PPM1G: variants seen among roughly 807,000 people sequenced by gnomAD.
PPM1G encodes protein phosphatase 1G.
PPM1G carries 12 observed loss-of-function variants against 59.4 expected under a neutral mutation model. The ratio of observed to expected loss-of-function variants is 0.20; its 90% confidence interval spans 0.13 to 0.33. The LOEUF (loss-of-function observed/expected upper bound fraction) is 0.33. Ranked by LOEUF, PPM1G falls within the 10% of genes least tolerant of loss-of-function variation. PPM1G has a pLI of 1.00. For synonymous variants in PPM1G, 245 were observed against 251.9 expected, an observed-to-expected ratio of 0.97 and a Z score of 0.26; for missense variants, 392 against 681.3, an observed-to-expected ratio of 0.58 and a Z score of 4.73.
At chr2:27,386,994 C>A in intron 2 of PPM1G, 95 bp downstream of exon 2, 3 of 959,946 alleles carry the variant, frequency 3.1e-6, no homozygotes, top group Admixed American at 1.9e-5. Flanking sequence ...GAGGGCCAGA[C>A]CCTGGAAAGT....
chr2:27,393,377 T>G, intron 1 of PPM1G: 1 of 1,539,418 alleles, frequency 6.5e-7, no homozygotes. Context: ...TGCCGGCGAC[T>G]AAGGAGAGGC....
chr2:27,399,235 T>C (rs969751650), intron 1 of PPM1G, among the ~76,000 whole-genome samples: 1 of 152,130 alleles, frequency 6.6e-6, no homozygotes, highest in Non-Finnish European at 1.5e-5. Context: ...GCAAATCATA[T>C]ATCTAACAAA....
Position 27,381,669 on chromosome 2 carries a change from T to G in PPM1G, c.1571A>C (p.Glu524Ala), listed in dbSNP as rs753576114. Residue 524 changes from glutamate to alanine, a missense_variant, in exon 10 of 10, where the codon GAG (glutamate) becomes GCG (alanine). Transcript: ENST00000344034. ...TTCAGCCCCCTCAGTAGAGAGCACC[T>G]CCTCTAGTTTTCGCTTGCCACTCTC... Reference protein sequence around the residue: ...QPESGKRKLEEVLSTEGAEEN... With the variant: ...QPESGKRKLEAVLSTEGAEEN... The G allele has an allele frequency of 1.9e-6, 3 of 1,613,884 alleles. No individual in the cohort carries two copies. The highest frequency in any genetic ancestry group is 1.3e-5 in the African/African-American group (1 of 74,852).
chr2:27,388,282 G>A (rs1403174641), intron 1 of PPM1G, among the ~76,000 whole-genome samples: 1 of 151,306 alleles, frequency 6.6e-6, no homozygotes, highest in Non-Finnish European at 1.5e-5. Context: ...GGTGGTGTGC[G>A]CCCGTAGTCC....
chr2:27,405,474 A>T (rs1014146452), intron 1 of PPM1G, among the ~76,000 whole-genome samples: 1 of 151,702 alleles, frequency 6.6e-6, no homozygotes, highest in Non-Finnish European at 1.5e-5. Flanking sequence ...TGTTTTTTTG[A>T]GACGGAGTCT....
rs70953857 is a variant in PPM1G, at chr2:27,392,286, G to GTTTTTTT, written c.121-5135_121-5129dup. ...TTACTTTGTTTTGTTGGTTTGTTTT[G>GTTTTTTT]TTTTTTTTTTTTTTTTTTTTTTTTG... On this transcript the variant is annotated intron_variant, in intron 1 of 9. Transcript: ENST00000344034. Among the ~76,000 whole-genome samples the GTTTTTTT allele has an allele frequency of 4.9e-3, 341 of 70,268 alleles. 22 individuals are homozygous for GTTTTTTT. Among genetic ancestry groups the GTTTTTTT allele is most frequent in the African/African-American group, 0.019 (308 of 16,130 alleles). The allele number at this position is 70,268 out of a possible 152,430, so 46.1% of individuals were successfully genotyped here.
At chr2:27,386,160 A>G (rs917116580) in intron 3 of PPM1G, 34 bp downstream of exon 3, 1 of 1,565,518 alleles carries the variant, frequency 6.4e-7, no homozygotes, top group Non-Finnish European at 8.8e-7. Flanking sequence ...AAAAGCCTAC[A>G]CAAGTGAGGA....
chr2:27,392,272 TGTTGGTTTG>T (rs1683922732), intron 1 of PPM1G, among the ~76,000 whole-genome samples: 1 of 143,488 alleles, frequency 7.0e-6, no homozygotes, highest in African/African-American at 2.6e-5. Flanking sequence ...TACTTTGTTT[TGTTGGTTTG>T]TTTTGTTTTT....
At chr2:27,394,093 C>T (rs1057252108) in intron 1 of PPM1G, among the ~76,000 whole-genome samples, 2 of 151,762 alleles carry the variant, frequency 1.3e-5, no homozygotes, top group Non-Finnish European at 1.5e-5. Flanking sequence ...GATGGGGTTT[C>T]ACCATATTGG....
In PPM1G at chr2:27,384,585, A is replaced by G. The variant is rs1572660146; in HGVS notation, c.825+88T>C. The stretch of plus-strand genomic sequence containing the variant: ...TCTTGGGGGATGATGTCAAAATAGG[A>G]GAAGGAAAGAGAGTTGAAAACTACA... On this transcript the variant is annotated intron_variant, in intron 5 of 9. Coordinates refer to ENST00000344034, the MANE Select transcript of PPM1G (RefSeq NM_177983.3). This position sits in a 1 kb window ranked among gnomAD's most constrained non-coding sequence, Gnocchi z 4.8. The G allele has an allele frequency of 7.0e-7, 1 of 1,438,168 alleles. No individual in the cohort carries two copies. Among genetic ancestry groups the G allele is most frequent in the East Asian group, 2.3e-5 (1 of 43,684 alleles). 89.1% of individuals were successfully genotyped at this position (1,438,168 alleles called of 1,614,324 possible). A position where few individuals can be genotyped will look rare whatever the true frequency, so the allele number is the denominator to read the frequency against.
chr2:27,383,680 G>T lies in PPM1G; in HGVS notation c.967-80C>A, dbSNP rs1434142940. 1 of 1,390,726 alleles carries T rather than the reference G, an allele frequency of 7.2e-7. No homozygotes were observed. The highest frequency in any genetic ancestry group is 9.8e-7 in the Non-Finnish European group (1 of 1,020,232). The allele number at this position is 1,390,726 out of a possible 1,614,324, so 86.1% of individuals were successfully genotyped here. On this transcript the variant is annotated intron_variant, in intron 6 of 9. Coordinates refer to ENST00000344034, the MANE Select transcript of PPM1G (RefSeq NM_177983.3). The surrounding 1 kb of genome is among the most constrained non-coding windows in gnomAD (Gnocchi z 5.0). ...GATGTGCTCCTGATCGTTCACCTATGCTTGCTTTCACTGGGACCCCCAAAA... is the reference window on the plus strand; with the variant it reads ...GATGTGCTCCTGATCGTTCACCTATTCTTGCTTTCACTGGGACCCCCAAAA...
At position 27,385,040 on chromosome 2, in the gene PPM1G, A is replaced by G; in HGVS notation, c.458T>C (p.Ile153Thr). The change falls in exon 5 of 10, where the codon ATT becomes ACT. Residue 153 changes from isoleucine to threonine, a missense_variant. Coordinates refer to ENST00000344034, the MANE Select transcript of PPM1G (RefSeq NM_177983.3). The surrounding 1 kb of genome is among the most constrained non-coding windows in gnomAD (Gnocchi z 4.1). ...ALLHEEATMT[I>T]EELLTRYGQN... ...CCCGTAGCGTGTCAGCAGCTCTTCA[A>G]TAGTCATGGTAGCCTCTTCATGCAG... The G allele has an allele frequency of 1.9e-6, 3 of 1,613,528 alleles. No homozygotes were observed. The highest frequency in any genetic ancestry group is 2.5e-6 in the Non-Finnish European group (3 of 1,179,940).
Position 27,409,503 on chromosome 2 carries a change from G to A in PPM1G, c.-81C>T. 1.5e-6 allele frequency: 2 copies of A among 1,361,852 alleles called. No homozygotes were observed. The highest frequency in any genetic ancestry group is 1.5e-5 in the African/African-American group (1 of 64,846). The allele number at this position is 1,361,852 out of a possible 1,614,324, so 84.4% of individuals were successfully genotyped here. On this transcript the variant is annotated 5_prime_UTR_variant, in exon 1 of 10. Transcript: ENST00000344034. ...GAGCCGAAGCCCCGGGGGTGCGCGC[G>A]GCAGGAGCAGGCCCCGCGGCGCGAC...
At chr2:27,388,731 TG>T (rs1683826696) in intron 1 of PPM1G, among the ~76,000 whole-genome samples, 1 of 149,656 alleles carries the variant, frequency 6.7e-6, no homozygotes, top group Non-Finnish European at 1.5e-5. Context: ...AAAAATTAGC[TG>T]GAGGTGATGG....
intron 1 of PPM1G, among the ~76,000 whole-genome samples, chr2:27,408,384 C>T (rs1663431533): frequency 1.3e-5 from 2 of 152,000 alleles, no homozygotes; most frequent in Admixed American, 1.3e-4. Context: ...ACCCGTCTTC[C>T]TCCCTTTCCT....
chr2:27,384,921 C>G lies in PPM1G; in HGVS notation c.577G>C (p.Glu193Gln), dbSNP rs1040739965. The change falls in exon 5 of 10, where the codon GAG (glutamate) becomes CAG (glutamine). Residue 193 changes from glutamate to glutamine, a missense_variant. Glu to Gln is a conservative substitution (Grantham distance 29). Around this residue, in one of 6 missense-constraint regions of PPM1G, gnomAD observed 188 missense variants for 248.8 expected, o/e 0.76. Transcript: ENST00000344034. The surrounding 1 kb of genome is among the most constrained non-coding windows in gnomAD (Gnocchi z 4.8). ...SQGLNGEAGPEDSTRETPSQE... is the reference protein window; with the variant it reads ...SQGLNGEAGPQDSTRETPSQE... ...GAAGGAGTTTCCCTAGTTGAGTCCT[C>G]AGGTCCTGCCTCCCCATTGAGGCCC... 6.2e-6 allele frequency: 10 copies of G among 1,614,216 alleles called. No individual in the cohort carries two copies. The highest frequency in any genetic ancestry group is 6.8e-6 in the Non-Finnish European group (8 of 1,180,030).
Position 27,382,530 on chromosome 2 carries a change from A to G in PPM1G, c.1277T>C (p.Val426Ala), listed in dbSNP as rs769190699. Residue 426 changes from valine to alanine, a missense_variant, in exon 8 of 10, where the codon GTG becomes GCG. Around this residue, in one of 6 missense-constraint regions of PPM1G, gnomAD observed 53 missense variants for 175.4 expected, o/e 0.30. Transcript: ENST00000344034. This position sits in a 1 kb window ranked among gnomAD's most constrained non-coding sequence, Gnocchi z 4.2. ...QMISALPDIK[V>A]LTLTDDHEFM... ...TTCATGGTCGTCAGTGAGAGTCAGCACCTTGATGTCAGGAAGGGCTGAAAT... is the reference window on the plus strand; with the variant it reads ...TTCATGGTCGTCAGTGAGAGTCAGCGCCTTGATGTCAGGAAGGGCTGAAAT... 1 of 1,614,080 alleles carries G rather than the reference A, an allele frequency of 6.2e-7. No homozygotes were observed. Among genetic ancestry groups the G allele is most frequent in the African/African-American group, 1.3e-5 (1 of 74,924 alleles).
intron 1 of PPM1G, among the ~76,000 whole-genome samples, chr2:27,396,107 C>T (rs1462176066): frequency 6.6e-6 from 1 of 151,522 alleles, no homozygotes; most frequent in Non-Finnish European, 1.5e-5. Context: ...CCAGTCTCTA[C>T]CTAAAAATAC....
At chr2:27,386,345 T>C (rs62130724) in intron 2 of PPM1G, 66 bp from the exon 3 acceptor site, 41,315 of 1,186,722 alleles carry the variant, frequency 0.035, 878 homozygotes, top group Middle Eastern at 0.048. Flanking sequence ...GATACAATAT[T>C]TATATGCCAT....
Sources: gnomAD v4.1 joint callset for allele counts (sites outside exome capture counted in the v4.1 genomes callset) on GRCh38, gnomAD v4.1.1 for gene constraint, gnomAD v4.1.1 regional missense constraint, Gnocchi (gnomAD v3.1) non-coding constraint, MANE v1.5 for transcripts, NCBI Gene and HGNC (gene_info 2026-07-23, HGNC 2026-07-21) for gene names.